FRMD5: variants seen among roughly 807,000 people sequenced by gnomAD.
The protein encoded by FRMD5 is FERM domain containing 5.
FRMD5 carries 20 observed loss-of-function variants against 69.0 expected under a neutral mutation model. The observed-to-expected ratio is 0.29, with a 90% confidence interval of 0.20 to 0.42. The LOEUF (loss-of-function observed/expected upper bound fraction) is 0.42. Among genes scored for constraint, FRMD5 ranks in the 10% least tolerant of loss-of-function variants. The pLI is 1.00. For synonymous variants in FRMD5, 271 were observed against 260.1 expected, an observed-to-expected ratio of 1.04 and a Z score of -0.40; for missense variants, 595 against 708.6, an observed-to-expected ratio of 0.84 and a Z score of 1.82.
intron 13 of FRMD5, chr15:43,879,654 A>T: frequency 2.5e-6 from 1 of 399,076 alleles, no homozygotes; most frequent in Non-Finnish European, 4.4e-6. Flanking sequence ...GTGAATCTTA[A>T]TCAGACTCTT....
At chr15:44,133,791 T>C (rs896662051) in intron 1 of FRMD5, among the ~76,000 whole-genome samples, 1 of 151,998 alleles carries the variant, frequency 6.6e-6, no homozygotes, top group African/African-American at 2.4e-5. Flanking sequence ...AAGTATTTAA[T>C]CACACACAAA....
At chr15:43,973,429 G>C (rs1422968308) in intron 1 of FRMD5, among the ~76,000 whole-genome samples, 9 of 150,800 alleles carry the variant, frequency 6.0e-5, no homozygotes, top group African/African-American at 1.7e-4. Context: ...GCAATGGCAC[G>C]ATATCTCCGC....
upstream of FRMD5, among the ~76,000 whole-genome samples, chr15:44,199,241 GA>G (rs1249544958): frequency 2.0e-5 from 3 of 151,930 alleles, 1 homozygote; most frequent in Non-Finnish European, 4.4e-5. Context: ...CAATATTTAG[GA>G]AAAAAAGAAT....
At chr15:43,914,988 A>C (rs908331589) in intron 4 of FRMD5, among the ~76,000 whole-genome samples, 1 of 152,016 alleles carries the variant, frequency 6.6e-6, no homozygotes, top group African/African-American at 2.4e-5. Context: ...CAGCCTCCCA[A>C]AGTGCTGGGA....
At chr15:44,027,247 G>A (rs1023346750) in intron 1 of FRMD5, among the ~76,000 whole-genome samples, 9 of 152,050 alleles carry the variant, frequency 5.9e-5, no homozygotes, top group Non-Finnish European at 1.3e-4. Flanking sequence ...ACCTGGATAT[G>A]CTGTATGCAT....
chr15:44,169,686 G>A (rs938789036), intron 1 of FRMD5, among the ~76,000 whole-genome samples: 6 of 152,056 alleles, frequency 3.9e-5, no homozygotes, highest in African/African-American at 1.4e-4. Flanking sequence ...CAAAATATGT[G>A]AGCTCCAATA....
In FRMD5 at chr15:44,187,643, T is replaced by C. The variant is rs116112956; in HGVS notation, c.102+7310A>G. Among the ~76,000 whole-genome samples the C allele has an allele frequency of 8.3e-3, 1,260 of 152,070 alleles. 19 individuals are homozygous for C. Among genetic ancestry groups the C allele is most frequent in the African/African-American group, 0.029 (1,197 of 41,466 alleles). ...AGTACAATGGCACAATCATAGCTCA[T>C]TGTAACCTCAAACTCCTGGGCTTAC... is the stretch of plus-strand genomic sequence containing the variant. On this transcript the variant is annotated intron_variant, in intron 1 of 13. Transcript: ENST00000417257.
At chr15:44,160,418 G>A (rs1458021625) in intron 1 of FRMD5, among the ~76,000 whole-genome samples, 1 of 152,216 alleles carries the variant, frequency 6.6e-6, no homozygotes, top group Non-Finnish European at 1.5e-5. Context: ...GAAAGGTGGG[G>A]AGGAGAGGGA....
At chr15:44,074,104 A>T (rs1364426326) in intron 1 of FRMD5, among the ~76,000 whole-genome samples, 1 of 152,172 alleles carries the variant, frequency 6.6e-6, no homozygotes, top group Non-Finnish European at 1.5e-5. Flanking sequence ...TTGGCTTTGC[A>T]GGTAAGTCAT....
chr15:43,961,151 T>C (rs1055968495), intron 1 of FRMD5, among the ~76,000 whole-genome samples: 4 of 152,056 alleles, frequency 2.6e-5, no homozygotes, highest in Non-Finnish European at 5.9e-5. Flanking sequence ...ATTGATAGAC[T>C]GCTAGCAAGA....
At chr15:43,972,457 G>A (rs1004503290) in intron 1 of FRMD5, among the ~76,000 whole-genome samples, 1 of 151,978 alleles carries the variant, frequency 6.6e-6, no homozygotes, top group African/African-American at 2.4e-5. Flanking sequence ...GGGGGTTAGC[G>A]GTTACTAATC....
chr15:43,941,761 G>C (rs946869620), intron 1 of FRMD5, among the ~76,000 whole-genome samples: 1 of 152,164 alleles, frequency 6.6e-6, no homozygotes, highest in African/African-American at 2.4e-5. Context: ...AGGGCGGGGG[G>C]GCGTTGCTCC....
chr15:44,084,347 T>C (rs1363584858), intron 1 of FRMD5, among the ~76,000 whole-genome samples: 5 of 152,040 alleles, frequency 3.3e-5, no homozygotes, highest in Non-Finnish European at 5.9e-5. Context: ...AATCACCTAA[T>C]ACAACCCATG....
intron 1 of FRMD5, among the ~76,000 whole-genome samples, chr15:43,973,046 G>A (rs558917247): frequency 7.9e-5 from 12 of 151,542 alleles, no homozygotes; most frequent in South Asian, 2.1e-4. Flanking sequence ...TTTTTGAGAC[G>A]GAGTCTCGCT....
In FRMD5 at chr15:43,871,959, G is replaced by A. The variant is rs933044081; in HGVS notation, c.*1926C>T. The A allele has an allele frequency of 1.3e-5, 2 of 152,214 alleles. No individual in the cohort carries two copies. The highest frequency in any genetic ancestry group is 1.9e-4 in the East Asian group (1 of 5,194). 9.4% of individuals were successfully genotyped at this position (152,214 alleles called of 1,614,324 possible). The stretch of plus-strand genomic sequence containing the variant: ...TCTGCTAACATACTGGTAAGGATCA[G>A]TTTTATTGTCTAGAGCAGGATTGGC... On this transcript the variant is annotated 3_prime_UTR_variant, in exon 14 of 14. Coordinates refer to ENST00000417257, the MANE Select transcript of FRMD5 (RefSeq NM_032892.5).
At chr15:43,881,348 A>G (rs2088524422) in intron 13 of FRMD5, among the ~76,000 whole-genome samples, 1 of 152,230 alleles carries the variant, frequency 6.6e-6, no homozygotes, top group African/African-American at 2.4e-5. Flanking sequence ...AGAGGGACGG[A>G]GAGAGCCAAG....
At chr15:44,166,387 C>CTA (rs1292573700) in intron 1 of FRMD5, among the ~76,000 whole-genome samples, 1 of 152,100 alleles carries the variant, frequency 6.6e-6, no homozygotes, top group Non-Finnish European at 1.5e-5. Context: ...CACTTTCTAG[C>CTA]TATTGGCTTT....
chr15:44,039,525 G>T (rs1041251275), intron 1 of FRMD5, among the ~76,000 whole-genome samples: 1 of 152,182 alleles, frequency 6.6e-6, no homozygotes, highest in African/African-American at 2.4e-5. Flanking sequence ...TAATACTCAG[G>T]CAAACAGGGT....
At chr15:44,114,124 C>G (rs529774442) in intron 1 of FRMD5, among the ~76,000 whole-genome samples, 1 of 152,058 alleles carries the variant, frequency 6.6e-6, no homozygotes, top group Non-Finnish European at 1.5e-5. Context: ...AAGACGTAAC[C>G]TAATGATACT....
Sources: allele counts gnomAD v4.1 joint callset (sites outside exome capture counted in the v4.1 genomes callset), GRCh38; gene constraint gnomAD v4.1.1; transcripts MANE v1.5; gene names NCBI Gene and HGNC (gene_info 2026-07-23, HGNC 2026-07-21).